Variants in SDK1 observed in about 807,000 individuals in gnomAD.
The protein encoded by SDK1 is sidekick cell adhesion molecule 1.
SDK1 carries 157 observed loss-of-function variants against 245.5 expected under a neutral mutation model. The ratio of observed to expected loss-of-function variants is 0.64; its 90% CI spans 0.56 to 0.73. The LOEUF (loss-of-function observed/expected upper bound fraction) is 0.73. SDK1 is among the 30% of genes least tolerant of loss of function. The pLI, the probability that SDK1 is intolerant of heterozygous loss-of-function variation, is 0.00. For missense variants in SDK1, 3,583 were observed against 3,002.3 expected (o/e 1.19, Z -4.52); for synonymous variants, 1,647 against 1,278.5 (o/e 1.29, Z -6.15).
At chr7:4,154,836 A>C (rs1022687107) in intron 30 of SDK1, among the ~76,000 whole-genome samples, 3 of 152,036 alleles carry the variant, frequency 2.0e-5, no homozygotes, top group Non-Finnish European at 4.4e-5. Context: ...AACAGAGTGC[A>C]GAATTGGGAG....
intron 1 of SDK1, among the ~76,000 whole-genome samples, chr7:3,609,491 C>T (rs565738312): frequency 4.6e-5 from 7 of 152,274 alleles, no homozygotes; most frequent in Admixed American, 1.3e-4. Flanking sequence ...ATCTCTGCTT[C>T]CCGGTTTCAA....
intron 4 of SDK1, among the ~76,000 whole-genome samples, chr7:3,676,990 A>C (rs921489792): frequency 6.6e-6 from 1 of 152,114 alleles, no homozygotes; most frequent in African/African-American, 2.4e-5. Context: ...TCTTTTACCT[A>C]CTTCTGTTCC....
chr7:3,852,650 C>T (rs1168485608), intron 5 of SDK1, among the ~76,000 whole-genome samples: 1 of 145,792 alleles, frequency 6.9e-6, no homozygotes, highest in Non-Finnish European at 1.5e-5. Context: ...ACTCGGGAGG[C>T]TGAGGCAGGA....
At chr7:3,701,390 G>A (rs776599753) in intron 4 of SDK1, among the ~76,000 whole-genome samples, 41 of 152,242 alleles carry the variant, frequency 2.7e-4, no homozygotes, top group Admixed American at 4.6e-4. Context: ...TGATGTATAG[G>A]TTTAATGTAA....
At chr7:4,070,590 C>G (rs150649328) in intron 20 of SDK1, among the ~76,000 whole-genome samples, 3 of 152,314 alleles carry the variant, frequency 2.0e-5, no homozygotes, top group Non-Finnish European at 4.4e-5. Context: ...CCAGTGCCAA[C>G]CCCACCACTA....
At chr7:3,459,132 A>G (rs1316954417) in intron 1 of SDK1, among the ~76,000 whole-genome samples, 1 of 152,204 alleles carries the variant, frequency 6.6e-6, no homozygotes, top group African/African-American at 2.4e-5. Flanking sequence ...CTTCTAACCT[A>G]TGATTTTTGT....
At chr7:4,177,955 C>T (rs568647735) in intron 34 of SDK1, among the ~76,000 whole-genome samples, 1 of 151,288 alleles carries the variant, frequency 6.6e-6, no homozygotes, top group African/African-American at 2.4e-5. Flanking sequence ...GCAAGAGAGC[C>T]AGGTTGTGCA....
At chr7:4,214,292 T>C (rs892083311) in intron 38 of SDK1, among the ~76,000 whole-genome samples, 1 of 152,194 alleles carries the variant, frequency 6.6e-6, no homozygotes, top group African/African-American at 2.4e-5. Context: ...TAAAGCGTTT[T>C]ATATTCTAGA....
chr7:3,937,445 G>A (rs981082912), intron 5 of SDK1, among the ~76,000 whole-genome samples: 6 of 152,208 alleles, frequency 3.9e-5, no homozygotes, highest in African/African-American at 1.4e-4. Flanking sequence ...GCAGAGGCGG[G>A]ATCATCAGGG....
chr7:3,616,905 A>G (rs1781789584), intron 1 of SDK1, among the ~76,000 whole-genome samples: 1 of 152,234 alleles, frequency 6.6e-6, no homozygotes, highest in Admixed American at 6.5e-5. Context: ...AAAGTTGAGT[A>G]TGACTTCTTG....
chr7:4,113,463 C>G (rs756462014), intron 24 of SDK1, 24 bp downstream of exon 24: 1 of 1,612,022 alleles, frequency 6.2e-7, no homozygotes, highest in East Asian at 2.2e-5. Context: ...AGAAGGGAGG[C>G]TGGAGGCACA....
At chr7:3,338,307 G>A in intron 1 of SDK1, 2 of 487,828 alleles carry the variant, frequency 4.1e-6, no homozygotes, top group South Asian at 4.1e-5. Context: ...TGGCAAAACT[G>A]CAAGAGTCTA....
intron 25 of SDK1, among the ~76,000 whole-genome samples, chr7:4,119,547 G>C (rs1483930982): frequency 6.7e-6 from 1 of 148,516 alleles, no homozygotes; most frequent in Non-Finnish European, 1.5e-5. Context: ...CTTACCCTCA[G>C]GGAAAACAGT....
In SDK1 at chr7:4,077,111, A is replaced by G; in HGVS notation, c.3124A>G (p.Thr1042Ala). ...AGGCCTCTCATCTCTCACCACCTAC[A>G]CCATCGACGTGGCCGCTGTGACTGC... Reference protein sequence around the residue: ...IQGLSSLTTYTIDVAAVTAVG... With the variant: ...IQGLSSLTTYAIDVAAVTAVG... The change falls in exon 21 of 45, where the codon ACC (threonine) becomes GCC (alanine). Residue 1042 changes from threonine (T) to alanine (A), a missense_variant. Physicochemically the swap from Thr to Ala is moderately conservative, Grantham distance 58 (BLOSUM62 0). Transcript: ENST00000404826. 6.2e-7 allele frequency: 1 copy of G among 1,614,080 alleles called. No homozygotes were observed. Among genetic ancestry groups the G allele is most frequent in the Non-Finnish European group, 8.5e-7 (1 of 1,179,998 alleles).
At chr7:3,886,145 G>T (rs1025750885) in intron 5 of SDK1, among the ~76,000 whole-genome samples, 5 of 152,228 alleles carry the variant, frequency 3.3e-5, no homozygotes, top group Middle Eastern at 3.2e-3. Context: ...GGACTGTACA[G>T]TTATCCTACG....
intron 4 of SDK1, among the ~76,000 whole-genome samples, chr7:3,808,104 G>A (rs1035133016): frequency 2.6e-5 from 4 of 152,152 alleles, no homozygotes; most frequent in African/African-American, 4.8e-5. Context: ...TTAACCCCTG[G>A]TTGCTGCAAG....
intron 1 of SDK1, among the ~76,000 whole-genome samples, chr7:3,553,092 G>T (rs1779467193): frequency 6.6e-6 from 1 of 151,754 alleles, no homozygotes; most frequent in South Asian, 2.1e-4. Context: ...TTATTTGATG[G>T]ATTTCTTTCT....
chr7:4,230,039 A>AGAAGGAAGGAAGGAAGGAAGGAAGGAAG (rs55723679), intron 40 of SDK1, among the ~76,000 whole-genome samples: 33 of 66,640 alleles, frequency 5.0e-4, no homozygotes, highest in African/African-American at 1.4e-3. Context: ...AGGGGGACCC[A>AGAAGGAAGGAAGGAAGGAAGGAAGGAAG]GAAGGAAGGA....
chr7:3,378,824 C>CGGGG (rs1781415025), intron 1 of SDK1, among the ~76,000 whole-genome samples: 3 of 147,580 alleles, frequency 2.0e-5, no homozygotes, highest in African/African-American at 4.9e-5. Context: ...GGGGGGCCGG[C>CGGGG]GGGGTGGGCT....
Sources: allele counts gnomAD v4.1 joint callset (sites outside exome capture counted in the v4.1 genomes callset), GRCh38; gene constraint gnomAD v4.1.1; transcripts MANE v1.5; gene names NCBI Gene and HGNC (gene_info 2026-07-23, HGNC 2026-07-21).